Variants in MYDGF observed in about 807,000 individuals in gnomAD.
The protein encoded by MYDGF is myeloid derived growth factor, also known as myeloid-derived growth factor.
MYDGF carries 29 observed loss-of-function variants against 24.2 expected under a neutral mutation model. The ratio of observed to expected loss-of-function variants is 1.20; its 90% confidence interval spans 0.89 to 1.63. MYDGF has a LOEUF of 1.63. Among genes scored for constraint, MYDGF ranks in the 40% most tolerant of loss-of-function variants. MYDGF has a pLI of 0.00. For synonymous variants in MYDGF, 105 were observed against 102.5 expected (o/e 1.02, Z -0.15); for missense variants, 245 against 234.8 (o/e 1.04, Z -0.29).
At chr19:4,662,334 C>T (rs1214324769) in intron 3 of MYDGF, among the ~76,000 whole-genome samples, 1 of 152,190 alleles carries the variant, frequency 6.6e-6, no homozygotes, top group African/African-American at 2.4e-5. Context: ...AAAATAAAGG[C>T]TCAAGAAATA....
intron 4 of MYDGF, among the ~76,000 whole-genome samples, chr19:4,660,372 C>T (rs777578534): frequency 7.2e-5 from 11 of 152,176 alleles, no homozygotes; most frequent in Non-Finnish European, 1.2e-4. Context: ...CAGCAATCCT[C>T]CTGCCTCAGC....
chr19:4,663,514 A>C (rs1262972944), intron 3 of MYDGF, among the ~76,000 whole-genome samples: 2 of 30,852 alleles, frequency 6.5e-5, no homozygotes, highest in Non-Finnish European at 1.2e-4. Flanking sequence ...CTCTCCACCC[A>C]CCCCATCCTC....
chr19:4,669,579 C>T (rs955594535), intron 1 of MYDGF, among the ~76,000 whole-genome samples: 1 of 152,180 alleles, frequency 6.6e-6, no homozygotes, highest in African/African-American at 2.4e-5. Context: ...GATCCCGCCA[C>T]TGCACGCAAG....
Position 4,670,321 on chromosome 19 carries a change from C to A in MYDGF, c.14G>T (p.Ser5Ile). The A allele has an allele frequency of 1.4e-6, 2 of 1,463,222 alleles. No homozygotes were observed. The highest frequency in any genetic ancestry group is 1.8e-6 in the Non-Finnish European group (2 of 1,106,134). 90.6% of individuals were successfully genotyped at this position (1,463,222 alleles called of 1,614,324 possible). The change falls in exon 1 of 6, where the codon AGC becomes ATC. Residue 5 changes from serine (S) to isoleucine (I), a missense_variant. Ser to Ile is a moderately radical substitution (Grantham distance 142). Transcript: ENST00000262947. ...CGCGCCGACGCCGTTCCACCCTCCG[C>A]TGGGCGCCGCCATGTTGGACTAGGG... MAAP[S>I]GGWNGVGASL...
At position 4,657,831 on chromosome 19, in the gene MYDGF, C is replaced by G; in HGVS notation, c.*174G>C. 2 of 567,218 alleles carry G rather than the reference C, an allele frequency of 3.5e-6. No individual in the cohort carries two copies. Among genetic ancestry groups the G allele is most frequent in the Non-Finnish European group, 3.1e-6 (1 of 323,324 alleles). The allele number at this position is 567,218 out of a possible 1,614,324, so 35.1% of individuals were successfully genotyped here. ...AGGAGGGCCCTGGACCCTCTGTTCT[C>G]TGCCCCAGGGCTTCAGCCACCCTGC... On this transcript the variant is annotated 3_prime_UTR_variant, in exon 6 of 6. Coordinates refer to ENST00000262947, the MANE Select transcript of MYDGF (RefSeq NM_019107.4).
intron 4 of MYDGF, 181 bp downstream of exon 4, chr19:4,660,488 G>A (rs2088461151): frequency 5.2e-6 from 3 of 573,910 alleles, no homozygotes; most frequent in East Asian, 3.0e-5. Flanking sequence ...CCAAACCCCC[G>A]TGCCCCTGGC....
intron 3 of MYDGF, among the ~76,000 whole-genome samples, chr19:4,660,964 A>ATT (rs10718244): frequency 1.7e-4 from 17 of 99,218 alleles, no homozygotes; most frequent in Admixed American, 5.6e-4. Flanking sequence ...TTGTGCCAGA[A>ATT]TTTTTTTTTT....
intron 5 of MYDGF, chr19:4,659,544 T>C (rs1279294553): frequency 7.7e-6 from 3 of 391,768 alleles, no homozygotes; most frequent in Admixed American, 4.1e-5. Flanking sequence ...AAAAATTTTG[T>C]AGAGACAGGG....
chr19:4,659,936 G>C lies in MYDGF; in HGVS notation c.437C>G (p.Thr146Arg). 1 of 1,613,908 alleles carries C rather than the reference G, an allele frequency of 6.2e-7. No individual in the cohort carries two copies. Among genetic ancestry groups the C allele is most frequent in the African/African-American group, 1.3e-5 (1 of 75,012 alleles). ...LKTEEFEVTK[T>R]AVAHRPGAFK... is the part of the protein sequence containing the mutation. ...CCATCCCCATCTTTCCGTACCTGCT[G>C]TTTTGGTCACTTCAAATTCCTCAGT... Residue 146 changes from threonine to arginine, a missense_variant, in exon 5 of 6, where the codon ACA becomes AGA. Coordinates refer to ENST00000262947, the MANE Select transcript of MYDGF (RefSeq NM_019107.4).
chr19:4,665,083 CT>C, intron 2 of MYDGF, 146 bp from the exon 3 acceptor site: 1 of 837,548 alleles, frequency 1.2e-6, no homozygotes, highest in Non-Finnish European at 1.8e-6. Context: ...CCCCGCCCTC[CT>C]GGTGGCCTGG....
intron 3 of MYDGF, among the ~76,000 whole-genome samples, 186 bp from the exon 4 acceptor site, chr19:4,660,936 C>G (rs2088465806): frequency 6.6e-6 from 1 of 151,088 alleles, no homozygotes; most frequent in African/African-American, 2.4e-5. Context: ...GCCCTCTCAA[C>G]AGCAGACCCT....
At chr19:4,664,262 G>A (rs1168403646) in intron 3 of MYDGF, among the ~76,000 whole-genome samples, 3 of 152,136 alleles carry the variant, frequency 2.0e-5, no homozygotes, top group African/African-American at 4.8e-5. Context: ...CTCTGAGAAA[G>A]TACTCCATGC....
chr19:4,661,971 C>T (rs1174665962), intron 3 of MYDGF, among the ~76,000 whole-genome samples: 3 of 152,156 alleles, frequency 2.0e-5, no homozygotes, highest in African/African-American at 4.8e-5. Context: ...TGCAGACAGA[C>T]GATGGCGACC....
At chr19:4,666,585 T>A (rs1475922744) in intron 2 of MYDGF, among the ~76,000 whole-genome samples, 1 of 151,348 alleles carries the variant, frequency 6.6e-6, no homozygotes, top group East Asian at 2.0e-4. Context: ...CCAGTTTTAC[T>A]TTTAAGAAAA....
rs57754972 is a variant in MYDGF at position 4,665,005 on chromosome 19, CT to C, written c.226-69del. 6,109 of 1,532,964 alleles carry C rather than the reference CT, an allele frequency of 4.0e-3. 202 individuals are homozygous for C. The African/African-American group carries it at 0.073, about 18-fold the overall frequency. 95.0% of individuals were successfully genotyped at this position (1,532,964 alleles called of 1,614,324 possible). ...TGCTCTCGGAGACTTCTAGGTGTGC[CT>C]CTGATTCTACAGTCAGGCCACCTCT... is the stretch of plus-strand genomic sequence containing the variant. On this transcript the variant is annotated intron_variant, in intron 2 of 5. Transcript: ENST00000262947.
Position 4,670,284 on chromosome 19 carries a change from G to A in MYDGF, c.51C>T (p.Ala17=), listed in dbSNP as rs774880399. ...GWNGVGASLW[A]ALLLGAVALR... Reference sequence around the variant, plus strand: ...GCGCCACGGCCCCTAGGAGCAGCGCGGCCCACAAGCTCGCGCCGACGCCGT... The same window carrying A: ...GCGCCACGGCCCCTAGGAGCAGCGCAGCCCACAAGCTCGCGCCGACGCCGT... Residue 17 remains alanine, a synonymous_variant, in exon 1 of 6, where the codon GCC becomes GCT. Transcript: ENST00000262947. 2.0e-6 allele frequency: 3 copies of A among 1,528,962 alleles called. No homozygotes were observed. The highest frequency in any genetic ancestry group is 4.2e-5 in the Admixed American group (2 of 47,888). The allele number at this position is 1,528,962 out of a possible 1,614,324, so 94.7% of individuals were successfully genotyped here.
At chr19:4,660,479 C>T in intron 4 of MYDGF, 190 bp downstream of exon 4, 1 of 567,916 alleles carries the variant, frequency 1.8e-6, no homozygotes, top group Non-Finnish European at 3.1e-6. Context: ...AACAGGTTAC[C>T]AAACCCCCGT....
At chr19:4,663,400 C>T (rs1305959542) in intron 3 of MYDGF, among the ~76,000 whole-genome samples, 1 of 140,678 alleles carries the variant, frequency 7.1e-6, no homozygotes, top group African/African-American at 2.7e-5. Context: ...TCATTCTACA[C>T]AGCCTCCAAT....
intron 5 of MYDGF, among the ~76,000 whole-genome samples, chr19:4,658,360 C>T (rs2088440240): frequency 6.6e-6 from 1 of 152,128 alleles, no homozygotes. Flanking sequence ...TCATTTGTGC[C>T]ATGTTGTCAA....
Sources: allele counts gnomAD v4.1 joint callset (sites outside exome capture counted in the v4.1 genomes callset), GRCh38; gene constraint gnomAD v4.1.1; transcripts MANE v1.5; gene names NCBI Gene and HGNC (gene_info 2026-07-23, HGNC 2026-07-21).